The following CUL1 variants were observed in gnomAD, a reference collection of about 807,000 sequenced individuals.
CUL1 encodes cullin 1, also known as cullin-1.
In CUL1, 24 loss-of-function variants were observed where a neutral mutation model predicts 118.0. The observed-to-expected ratio is 0.20, with a 90% CI of 0.15 to 0.29. The LOEUF (loss-of-function observed/expected upper bound fraction) is 0.29. CUL1 is among the 10% of genes least tolerant of loss of function. The probability of loss-of-function intolerance (pLI) is 1.00; values close to 1 mark genes in which losing one functional copy is unlikely to be tolerated. For missense variants in CUL1, 361 were observed against 933.8 expected (o/e 0.39, Z 7.99); for synonymous variants, 332 against 340.4 (o/e 0.98, Z 0.27).
intron 16 of CUL1, among the ~76,000 whole-genome samples, chr7:148,792,462 C>T (rs1430148905): frequency 1.3e-5 from 2 of 152,138 alleles, no homozygotes; most frequent in African/African-American, 4.8e-5. Flanking sequence ...TATGTATCCA[C>T]ATAGACAATA....
intron 17 of CUL1, 48 bp downstream of exon 17, chr7:148,792,866 T>G (rs1801064406): frequency 7.5e-7 from 1 of 1,333,094 alleles, no homozygotes; most frequent in Admixed American, 1.8e-5. Flanking sequence ...CGTTTCCTTG[T>G]TCTCGTGGAT....
At chr7:148,709,025 C>T (rs1372504497) in intron 1 of CUL1, among the ~76,000 whole-genome samples, 1 of 152,174 alleles carries the variant, frequency 6.6e-6, no homozygotes, top group Non-Finnish European at 1.5e-5. Flanking sequence ...AGATGAGTAT[C>T]CACATAGCTT....
intron 1 of CUL1, among the ~76,000 whole-genome samples, chr7:148,725,219 G>GCGCACGCGCGCACACACACACACACA: frequency 2.9e-4 from 40 of 140,150 alleles, no homozygotes; most frequent in African/African-American, 1.0e-3. Flanking sequence ...ACACGCGCGC[G>GCGCACGCGCGCACACACACACACACA]CTCACACACA....
intron 9 of CUL1, among the ~76,000 whole-genome samples, chr7:148,768,255 T>C (rs1275963197): frequency 6.6e-6 from 1 of 152,176 alleles, no homozygotes; most frequent in Non-Finnish European, 1.5e-5. Flanking sequence ...AGGTCATCTG[T>C]AATTCAGGTG....
chr7:148,715,609 A>T (rs1181696675), intron 1 of CUL1, among the ~76,000 whole-genome samples: 1 of 152,160 alleles, frequency 6.6e-6, no homozygotes, highest in Non-Finnish European at 1.5e-5. Flanking sequence ...TCCTTTAAGC[A>T]CAAAATTTTA....
intron 5 of CUL1, 67 bp from the exon 6 acceptor site, chr7:148,759,481 A>G: frequency 7.5e-7 from 1 of 1,339,428 alleles, no homozygotes; most frequent in Non-Finnish European, 1.1e-6. Context: ...TGAATGTTTA[A>G]GGGATATGTA....
At chr7:148,747,524 G>C (rs925592604) in intron 2 of CUL1, among the ~76,000 whole-genome samples, 2 of 152,268 alleles carry the variant, frequency 1.3e-5, no homozygotes, top group South Asian at 2.1e-4. Context: ...GCTGGGAGGG[G>C]CTGAGAGCTG....
At chr7:148,742,600 T>TTTTTTTTTTG (rs1799180732) in intron 2 of CUL1, among the ~76,000 whole-genome samples, 1 of 110,096 alleles carries the variant, frequency 9.1e-6, no homozygotes, top group Non-Finnish European at 1.6e-5. Flanking sequence ...CTTTTCTGGT[T>TTTTTTTTTTG]TTTTTTTTTT....
chr7:148,736,303 T>C (rs1398482765), intron 2 of CUL1, among the ~76,000 whole-genome samples: 23 of 152,302 alleles, frequency 1.5e-4, no homozygotes, highest in Admixed American at 1.4e-3. Context: ...TTTAGAGATA[T>C]ATTTTTTTGT....
chr7:148,748,639 T>TA (rs1799378909), intron 2 of CUL1, among the ~76,000 whole-genome samples: 1 of 151,970 alleles, frequency 6.6e-6, no homozygotes, highest in African/African-American at 2.4e-5. Flanking sequence ...ATCTGAAAAA[T>TA]AGAGTTGACC....
rs370666725 is a variant in CUL1, at chr7:148,798,596, T to C, written c.2055T>C (p.Asn685=). ...YKNKKLRVNI[N]VPMKTEQKQE... ...GTAAGAAATTAAGGGTTAACATCAA[T>C]GTGCCAATGAAAACCGAACAGAAGC... The change falls in exon 20 of 22, where the codon AAT becomes AAC. Residue 685 remains asparagine (N), a synonymous_variant. Transcript: ENST00000325222. 1.2e-6 allele frequency: 2 copies of C among 1,613,878 alleles called. No homozygotes were observed. Among genetic ancestry groups the C allele is most frequent in the African/African-American group, 2.7e-5 (2 of 74,920 alleles).
At chr7:148,755,585 A>G (rs1799627885) in intron 3 of CUL1, among the ~76,000 whole-genome samples, 1 of 152,172 alleles carries the variant, frequency 6.6e-6, no homozygotes, top group South Asian at 2.1e-4. Context: ...TTTATTCACA[A>G]CACATCATAA....
intron 12 of CUL1, 102 bp downstream of exon 12, chr7:148,786,701 C>T (rs1286981934): frequency 3.0e-6 from 3 of 1,011,470 alleles, no homozygotes; most frequent in Non-Finnish European, 4.5e-6. Flanking sequence ...AAGTAATAAT[C>T]ATTGATTTTA....
intron 1 of CUL1, among the ~76,000 whole-genome samples, chr7:148,709,997 C>T (rs562374209): frequency 6.6e-6 from 1 of 152,032 alleles, no homozygotes; most frequent in South Asian, 2.1e-4. Context: ...GTGGGGGGAT[C>T]GCTTGAGCCC....
chr7:148,716,948 A>G (rs1798232869), intron 1 of CUL1, among the ~76,000 whole-genome samples: 1 of 152,204 alleles, frequency 6.6e-6, no homozygotes, highest in Non-Finnish European at 1.5e-5. Context: ...CAAAGGGTAA[A>G]TGCATCTGTC....
chr7:148,727,728 A>G (rs908218174), intron 1 of CUL1, among the ~76,000 whole-genome samples: 1 of 152,072 alleles, frequency 6.6e-6, no homozygotes, highest in Non-Finnish European at 1.5e-5. Context: ...GCAGTAGCAG[A>G]TGCAGAGATC....
Position 148,800,568 on chromosome 7 carries a change from A to G in CUL1, c.2317A>G (p.Ser773Gly), listed in dbSNP as rs143079007. The G allele has an allele frequency of 6.2e-7, 1 of 1,613,222 alleles. No individual in the cohort carries two copies. Among genetic ancestry groups the G allele is most frequent in the Non-Finnish European group, 8.5e-7 (1 of 1,179,272 alleles). The change falls in exon 22 of 22, where the codon AGT becomes GGT. Residue 773 changes from serine to glycine, a missense_variant. By Grantham distance (56) the Ser-to-Gly change is moderately conservative (BLOSUM62 0). Transcript: ENST00000325222. The surrounding 1 kb of genome is among the most constrained non-coding windows in gnomAD (Gnocchi z 4.6). ...AGTGGATGGTGAAAAGGACACCTAC[A>G]GTTACTTGGCTTAACCCTTCTGGAA... is the stretch of plus-strand genomic sequence containing the variant. ...ERVDGEKDTY[S>G]YLA
intron 7 of CUL1, among the ~76,000 whole-genome samples, chr7:148,762,280 G>A (rs556279765): frequency 2.6e-5 from 4 of 152,172 alleles, no homozygotes; most frequent in African/African-American, 4.8e-5. Flanking sequence ...AGTCCTATCC[G>A]GTTTGTTTGT....
chr7:148,769,397 TCACACACACA>T (rs55858322), intron 9 of CUL1, among the ~76,000 whole-genome samples: 3,701 of 129,076 alleles, frequency 0.029, 174 homozygotes, highest in African/African-American at 0.097. Flanking sequence ...AGGGCCTGAT[TCACACACACA>T]CACACACACA....
Sources: gnomAD v4.1 joint callset for allele counts (sites outside exome capture counted in the v4.1 genomes callset) on GRCh38, gnomAD v4.1.1 for gene constraint, Gnocchi (gnomAD v3.1) non-coding constraint, MANE v1.5 for transcripts, NCBI Gene and HGNC (gene_info 2026-07-23, HGNC 2026-07-21) for gene names.